Variants in SPAG16 observed in about 807,000 individuals in gnomAD.
SPAG16 encodes the protein sperm associated antigen 16, also known as sperm-associated antigen 16 protein.
In SPAG16, 86 loss-of-function variants were observed where a neutral mutation model predicts 80.4. That is an observed-to-expected ratio of 1.07 (90% CI 0.90 to 1.28). The LOEUF (loss-of-function observed/expected upper bound fraction) is 1.28. SPAG16 is among the 50% of genes most tolerant of loss of function. The probability of loss-of-function intolerance (pLI) is 0.00; values close to 1 mark genes in which losing one functional copy is unlikely to be tolerated. For missense variants in SPAG16, 870 were observed against 765.3 expected (o/e 1.14, Z -1.61); for synonymous variants, 294 against 265.9 (o/e 1.11, Z -1.03).
At chr2:213,731,566 A>T (rs753930949) in intron 10 of SPAG16, among the ~76,000 whole-genome samples, 8 of 151,782 alleles carry the variant, frequency 5.3e-5, no homozygotes, top group Admixed American at 3.9e-4. Context: ...TTTGCTGCAC[A>T]GATCATCCCA....
At chr2:213,354,876 CA>C (rs2065542494) in intron 7 of SPAG16, among the ~76,000 whole-genome samples, 1 of 152,132 alleles carries the variant, frequency 6.6e-6, no homozygotes, top group Non-Finnish European at 1.5e-5. Flanking sequence ...AGTTAGATCC[CA>C]TTTGTCAATT....
At chr2:214,040,224 AGC>A (rs1164984677) in intron 13 of SPAG16, among the ~76,000 whole-genome samples, 1 of 152,130 alleles carries the variant, frequency 6.6e-6, no homozygotes, top group Non-Finnish European at 1.5e-5. Flanking sequence ...CTATCCTCCT[AGC>A]CTGGTGGTCT....
chr2:213,479,295 A>G (rs1441673579), intron 9 of SPAG16, among the ~76,000 whole-genome samples: 1 of 151,882 alleles, frequency 6.6e-6, no homozygotes, highest in Non-Finnish European at 1.5e-5. Context: ...TTCATACATC[A>G]TGCCCCAAAA....
chr2:213,643,434 A>G (rs1190189814), intron 10 of SPAG16, among the ~76,000 whole-genome samples: 1 of 106,594 alleles, frequency 9.4e-6, no homozygotes, highest in African/African-American at 3.4e-5. Context: ...TGCTGTTATG[A>G]TCCTTTCTTT....
intron 15 of SPAG16, among the ~76,000 whole-genome samples, chr2:214,214,170 C>T (rs2058369910): frequency 6.8e-6 from 1 of 147,608 alleles, no homozygotes; most frequent in Non-Finnish European, 1.5e-5. Context: ...ATATCCTTCC[C>T]AACCTTCCTT....
chr2:213,384,909 C>A (rs1008054490), intron 9 of SPAG16, among the ~76,000 whole-genome samples: 3 of 152,218 alleles, frequency 2.0e-5, no homozygotes, highest in Non-Finnish European at 4.4e-5. Flanking sequence ...ATAGCCCTTA[C>A]CACCTTGCTG....
chr2:213,336,149 G>C (rs1033648489), intron 5 of SPAG16, among the ~76,000 whole-genome samples: 2 of 152,184 alleles, frequency 1.3e-5, no homozygotes, highest in South Asian at 4.1e-4. Flanking sequence ...ACCCCTCCCT[G>C]AAAACCTTGC....
chr2:214,185,072 C>T (rs1442801719), intron 15 of SPAG16, among the ~76,000 whole-genome samples: 2 of 151,876 alleles, frequency 1.3e-5, no homozygotes, highest in African/African-American at 4.8e-5. Flanking sequence ...ACATGCATAG[C>T]TTATTGACAA....
Position 214,126,030 on chromosome 2 carries a change from C to T in SPAG16, c.1593+17769C>T, listed in dbSNP as rs200978719. Among the ~76,000 whole-genome samples the T allele has an allele frequency of 2.4e-4, 8 of 32,854 alleles. 2 individuals are homozygous for T. Among genetic ancestry groups the T allele is most frequent in the African/African-American group, 2.3e-4 (2 of 8,856 alleles). 21.6% of individuals were successfully genotyped at this position (32,854 alleles called of 152,430 possible). A position where few individuals can be genotyped will look rare whatever the true frequency, so the allele number is the denominator to read the frequency against. ...TCCTTCCTTCCTTCCTTCCTTCCTT[C>T]CTTCCTTCCTTCCTTCCTTCCTTCC... On this transcript the variant is annotated intron_variant, in intron 14 of 15. Transcript: ENST00000331683.
intron 15 of SPAG16, among the ~76,000 whole-genome samples, chr2:214,384,606 C>T (rs1700644809): frequency 6.6e-6 from 1 of 152,180 alleles, no homozygotes. Flanking sequence ...CTTGGATGTC[C>T]TCCTGGATAA....
At chr2:214,289,754 T>G (rs1157838471) in intron 15 of SPAG16, among the ~76,000 whole-genome samples, 2 of 148,304 alleles carry the variant, frequency 1.3e-5, no homozygotes, top group Admixed American at 6.7e-5. Context: ...TTTTTTTAAT[T>G]CTGTGGAAAG....
intron 15 of SPAG16, among the ~76,000 whole-genome samples, chr2:214,211,200 C>G (rs1435601226): frequency 6.6e-6 from 1 of 152,076 alleles, no homozygotes; most frequent in Non-Finnish European, 1.5e-5. Flanking sequence ...ATGTATTAGT[C>G]TAGTTCATGT....
chr2:213,744,757 A>C (rs2067736976), intron 10 of SPAG16, among the ~76,000 whole-genome samples: 1 of 152,210 alleles, frequency 6.6e-6, no homozygotes, highest in African/African-American at 2.4e-5. Flanking sequence ...AATCTAATTC[A>C]TTTCACACTG....
chr2:214,145,410 T>G (rs2055590476), intron 14 of SPAG16, among the ~76,000 whole-genome samples: 2 of 152,288 alleles, frequency 1.3e-5, no homozygotes, highest in Admixed American at 1.3e-4. Context: ...TAATACATTT[T>G]TCTTTAATTT....
At chr2:214,089,460 T>C (rs1289412540) in intron 13 of SPAG16, among the ~76,000 whole-genome samples, 1 of 152,040 alleles carries the variant, frequency 6.6e-6, no homozygotes, top group Non-Finnish European at 1.5e-5. Flanking sequence ...TTATACAAGA[T>C]TTTCCCCTGA....
Position 213,703,111 on chromosome 2 carries a change from C to A in SPAG16, c.1071-159374C>A, listed in dbSNP as rs143952727. ...CTTTGCCATTCTCTTTTTCCCTCTC[C>A]TGTGATAATAGACATAGTGGGTTCC... On this transcript the variant is annotated intron_variant, in intron 10 of 15. Coordinates refer to ENST00000331683, the MANE Select transcript of SPAG16 (RefSeq NM_024532.5). 1.4e-3 allele frequency among the ~76,000 whole-genome samples: 209 copies of A among 152,264 alleles called. 2 individuals carry two copies. Among genetic ancestry groups the A allele is most frequent in the African/African-American group, 4.6e-3 (190 of 41,540 alleles).
chr2:213,809,455 G>T (rs916219347), intron 10 of SPAG16, among the ~76,000 whole-genome samples: 1 of 152,088 alleles, frequency 6.6e-6, no homozygotes, highest in Non-Finnish European at 1.5e-5. Context: ...AGATATTTCT[G>T]CTAATAACAC....
chr2:214,364,682 A>C (rs2126076362), intron 15 of SPAG16, among the ~76,000 whole-genome samples: 1 of 152,322 alleles, frequency 6.6e-6, no homozygotes, highest in African/African-American at 2.4e-5. Flanking sequence ...TTAAACTGAA[A>C]GTAAACAGCA....
At chr2:213,354,002 A>G (rs1467548428) in intron 7 of SPAG16, among the ~76,000 whole-genome samples, 2 of 152,146 alleles carry the variant, frequency 1.3e-5, no homozygotes, top group Admixed American at 6.5e-5. Flanking sequence ...CGTCATTTAC[A>G]TTAGGTATTT....
Sources: gnomAD v4.1 joint callset for allele counts (sites outside exome capture counted in the v4.1 genomes callset) on GRCh38, gnomAD v4.1.1 for gene constraint, MANE v1.5 for transcripts, NCBI Gene and HGNC (gene_info 2026-07-23, HGNC 2026-07-21) for gene names.